STXBP2: variants seen among roughly 807,000 people sequenced by gnomAD.
The protein encoded by STXBP2 is syntaxin-binding protein 2.
STXBP2 carries 47 observed loss-of-function variants against 72.2 expected under a neutral mutation model. That is an observed-to-expected ratio of 0.65 (90% CI 0.51 to 0.83). The LOEUF is 0.83. Among genes scored for constraint, STXBP2 ranks in the 40% least tolerant of loss-of-function variants. The pLI is 0.00. For synonymous variants in STXBP2, 367 were observed against 338.7 expected, an observed-to-expected ratio of 1.08 and a Z score of -0.92; for missense variants, 702 against 807.6, an observed-to-expected ratio of 0.87 and a Z score of 1.58.
intron 4 of STXBP2, 53 bp downstream of exon 4, chr19:7,639,860 ATGTGTG>A: frequency 1.3e-6 from 2 of 1,562,912 alleles, no homozygotes; most frequent in South Asian, 1.1e-5. Context: ...GTACATGTGC[ATGTGTG>A]TGTATGTCTG....
chr19:7,647,760 G>A lies in STXBP2; in HGVS notation c.1732G>A (p.Asp578Asn), dbSNP rs1187716105. 4 of 1,613,994 alleles carry A rather than the reference G, an allele frequency of 2.5e-6. No individual in the cohort carries two copies. The highest frequency in any genetic ancestry group is 3.4e-6 in the Non-Finnish European group (4 of 1,180,026). Residue 578 changes from aspartate (D) to asparagine (N), a missense_variant, in exon 19 of 19, where the codon GAT becomes AAT. Transcript: ENST00000221283. ...SHILTPTRFL[D>N]DLKALDKKLE... is the part of the protein sequence containing the mutation. The stretch of plus-strand genomic sequence containing the variant: ...CATCCTCACCCCGACCCGCTTCCTG[G>A]ATGACCTGAAGGCACTGGACAAGAA...
Position 7,639,090 on chromosome 19 carries a change from G to C in STXBP2, c.159G>C (p.Glu53Asp), listed in dbSNP as rs1452154881. The change falls in exon 3 of 19, where the codon GAG becomes GAC. Residue 53 changes from glutamate to aspartate, a missense_variant. Physicochemically the swap from Glu to Asp is conservative, Grantham distance 45 (BLOSUM62 2). Coordinates refer to ENST00000221283, the MANE Select transcript of STXBP2 (RefSeq NM_006949.4). ...SCCKMSDILA[E>D]GITIVEDINK... The stretch of plus-strand genomic sequence containing the variant: ...GCAAAATGTCAGATATCCTGGCTGA[G>C]GGCATCACCAGTGAGTGAACGCGTC... 5.0e-6 allele frequency: 8 copies of C among 1,614,078 alleles called. No homozygotes were observed. The African/African-American group carries it at 1.1e-4, about 22-fold the overall frequency.
intron 16 of STXBP2, 147 bp downstream of exon 16, chr19:7,646,491 G>T (rs1319097132): frequency 3.7e-6 from 3 of 816,150 alleles, no homozygotes; most frequent in Admixed American, 2.0e-5. Context: ...CTGCTGAGGG[G>T]GGCACGCCAA....
chr19:7,637,149 G>C lies in STXBP2; in HGVS notation c.-1G>C. On this transcript the variant is annotated 5_prime_UTR_variant, in exon 1 of 19. Transcript: ENST00000221283. The stretch of plus-strand genomic sequence containing the variant: ...AGCGGCGGCGGCGCCCCTCGGGGAA[G>C]ATGGCGCCCTCGGGGCTGAAGGCGG... 8.1e-7 allele frequency: 1 copy of C among 1,241,492 alleles called. No individual in the cohort carries two copies. The highest frequency in any genetic ancestry group is 1.0e-6 in the Non-Finnish European group (1 of 988,148). The allele number at this position is 1,241,492 out of a possible 1,614,324, so 76.9% of individuals were successfully genotyped here. A position where few individuals can be genotyped will look rare whatever the true frequency, so the allele number is the denominator to read the frequency against.
chr19:7,640,077 T>C (rs1373006845), intron 4 of STXBP2: 1 of 628,354 alleles, frequency 1.6e-6, no homozygotes, highest in Non-Finnish European at 3.0e-6. Flanking sequence ...TGCGTGTGTG[T>C]CTGTGGGTCT....
chr19:7,639,941 TGTGTGTGC>T (rs1426758175), intron 4 of STXBP2, 134 bp downstream of exon 4: 4 of 860,212 alleles, frequency 4.7e-6, no homozygotes, highest in African/African-American at 1.7e-5. Context: ...TGTGTGTGCA[TGTGTGTGC>T]ATGTGTGTGT....
upstream of STXBP2, chr19:7,633,472 G>A: frequency 6.4e-7 from 1 of 1,571,558 alleles, no homozygotes; most frequent in Non-Finnish European, 8.6e-7. Context: ...CTGGACTCCA[G>A]TCACTTTTCT....
intron 13 of STXBP2, among the ~76,000 whole-genome samples, chr19:7,644,021 A>G (rs1334954721): frequency 7.1e-6 from 1 of 140,384 alleles, no homozygotes; most frequent in Non-Finnish European, 1.5e-5. Context: ...AACCTCGGAG[A>G]GGTGGGACCT....
intron 16 of STXBP2, 137 bp from the exon 17 acceptor site, chr19:7,647,025 G>A (rs2032161635): frequency 2.4e-6 from 2 of 839,718 alleles, no homozygotes; most frequent in East Asian, 2.6e-5. Context: ...TAGACTCCTG[G>A]GTCCCCCAGA....
chr19:7,647,212 C>G lies in STXBP2; in HGVS notation c.1503C>G (p.Asp501Glu). ...LDRNLWPFVS[D>E]PAPTASSQAA... ...GGAACCTGTGGCCCTTCGTATCCGA[C>G]CCCGCCCCCACGGCCAGCTCCCAGG... The change falls in exon 17 of 19, where the codon GAC becomes GAG. Residue 501 changes from aspartate to glutamate, a missense_variant. By Grantham distance (45) the Asp-to-Glu change is conservative. Coordinates refer to ENST00000221283, the MANE Select transcript of STXBP2 (RefSeq NM_006949.4). The G allele has an allele frequency of 1.2e-6, 2 of 1,611,910 alleles. No individual in the cohort carries two copies. Among genetic ancestry groups the G allele is most frequent in the Non-Finnish European group, 1.7e-6 (2 of 1,179,820 alleles).
chr19:7,645,312 C>T lies in STXBP2; in HGVS notation c.1356+6C>T. 1 of 1,575,638 alleles carries T rather than the reference C, an allele frequency of 6.3e-7. No homozygotes were observed. The highest frequency in any genetic ancestry group is 1.2e-5 in the South Asian group (1 of 86,284). On this transcript the variant is annotated splice_donor_region_variant and intron_variant, in intron 15 of 18. Transcript: ENST00000221283. ...GCACTGTCACCAACCCCGGGGTACG[C>T]CAGGAGCGGGCATGGGGGGACCCTG... is the stretch of plus-strand genomic sequence containing the variant.
At chr19:7,641,149 G>A (rs2031858816) in intron 6 of STXBP2, 146 bp downstream of exon 6, 1 of 843,868 alleles carries the variant, frequency 1.2e-6, no homozygotes. Flanking sequence ...AGGATCACTT[G>A]GGGCCAGGAG....
upstream of STXBP2, chr19:7,633,786 G>A (rs1208927854): frequency 5.4e-6 from 2 of 368,652 alleles, no homozygotes; most frequent in African/African-American, 4.2e-5. Context: ...GTTGGAGAAG[G>A]GAGGCCAACA....
chr19:7,643,056 CG>C lies in STXBP2; in HGVS notation c.1026+11del. ...CAGAAGGAGCTGAATAAGGTGTGCT[CG>C]GGTGGGCAGGGAGCGGGGACACCTC... On this transcript the variant is annotated intron_variant, in intron 12 of 18. Coordinates refer to ENST00000221283, the MANE Select transcript of STXBP2 (RefSeq NM_006949.4). 1 of 1,614,160 alleles carries C rather than the reference CG, an allele frequency of 6.2e-7. No individual in the cohort carries two copies.
rs1359602067 is a variant in STXBP2 at position 7,646,331 on chromosome 19, A to G, written c.1439A>G (p.Lys480Arg). ...YQLSRWTPVI[K>R]DVMEDAVEDR... ...CTGTCCCGCTGGACCCCGGTCATCA[A>G]GGATGTAATGGAGGTACTGGGTGGC... is the stretch of plus-strand genomic sequence containing the variant. The change falls in exon 16 of 19, where the codon AAG becomes AGG. Residue 480 changes from lysine to arginine, a missense_variant. Transcript: ENST00000221283. The G allele has an allele frequency of 6.2e-7, 1 of 1,608,996 alleles. No homozygotes were observed. The highest frequency in any genetic ancestry group is 8.5e-7 in the Non-Finnish European group (1 of 1,178,226).
chr19:7,634,231 C>T (rs3745363), upstream of STXBP2, among the ~76,000 whole-genome samples: 1 of 152,030 alleles, frequency 6.6e-6, no homozygotes, highest in African/African-American at 2.4e-5. Flanking sequence ...CCTGCCTTTT[C>T]CCCCGAGCCA....
At position 7,637,109 on chromosome 19, in the gene STXBP2, TG is replaced by T. The variant is rs886038578; in HGVS notation, c.-38del. 5 of 1,237,900 alleles carry T rather than the reference TG, an allele frequency of 4.0e-6. No homozygotes were observed. The highest frequency in any genetic ancestry group is 2.9e-4 in the Middle Eastern group (1 of 3,502). 76.7% of individuals were successfully genotyped at this position (1,237,900 alleles called of 1,614,324 possible). The stretch of plus-strand genomic sequence containing the variant: ...GACGCGCGGGGCCACGCCCCCACCT[TG>T]GGACACACCCGGAAGCGGCGGCGGC... On this transcript the variant is annotated 5_prime_UTR_variant, in exon 1 of 19. Transcript: ENST00000221283.
At chr19:7,646,603 C>T in intron 16 of STXBP2, 2 of 560,370 alleles carry the variant, frequency 3.6e-6, no homozygotes, top group South Asian at 1.9e-5. Context: ...TAGTCTGTTC[C>T]CCTGTCCCGC....
At chr19:7,640,479 TG>T (rs2031811260) in intron 4 of STXBP2, 1 of 680,376 alleles carries the variant, frequency 1.5e-6, no homozygotes, top group Non-Finnish European at 2.7e-6. Flanking sequence ...TGTGTGTGCA[TG>T]TGTGTATGTG....
Sources: gnomAD v4.1 joint callset for allele counts (sites outside exome capture counted in the v4.1 genomes callset) on GRCh38, gnomAD v4.1.1 for gene constraint, MANE v1.5 for transcripts, NCBI Gene and HGNC (gene_info 2026-07-23, HGNC 2026-07-21) for gene names.